FGD2: variants seen among roughly 807,000 people sequenced by gnomAD.
The protein encoded by FGD2 is FYVE, RhoGEF and PH domain containing 2.
A neutral mutation model predicts 75.9 loss-of-function variants in FGD2; 52 were observed. The ratio of observed to expected loss-of-function variants is 0.69; its 90% CI spans 0.55 to 0.86. The LOEUF (loss-of-function observed/expected upper bound fraction) is 0.86. Ranked by LOEUF, FGD2 falls within the 40% of genes least tolerant of loss-of-function variation. The pLI is 0.00. For synonymous variants in FGD2, 347 were observed against 348.6 expected, an observed-to-expected ratio of 1.00 and a Z score of 0.05; for missense variants, 790 against 872.0, an observed-to-expected ratio of 0.91 and a Z score of 1.18.
rs571990509 is a variant in FGD2 at position 37,014,973 on chromosome 6, C to T, written c.964C>T (p.Arg322Cys). The stretch of plus-strand genomic sequence containing the variant: ...AGTAGACCCCTCTAACACCCTGCTC[C>T]GTGAGGGCCCGGTCCTCAAGATCTC... Reference protein sequence around the residue: ...DIVDPSNTLLREGPVLKISFR... With the variant: ...DIVDPSNTLLCEGPVLKISFR... The change falls in exon 8 of 16, where the codon CGT becomes TGT. Residue 322 changes from arginine (R) to cysteine (C), a missense_variant. By Grantham distance (180) the Arg-to-Cys change is radical. Coordinates refer to ENST00000274963, the MANE Select transcript of FGD2 (RefSeq NM_173558.4). 18 of 1,614,152 alleles carry T rather than the reference C, an allele frequency of 1.1e-5. No homozygotes were observed. In the African/African-American group the frequency reaches 1.6e-4, roughly 14 times the overall value.
At chr6:37,010,620 C>T (rs1317625391) in intron 2 of FGD2, among the ~76,000 whole-genome samples, 1 of 152,200 alleles carries the variant, frequency 6.6e-6, no homozygotes, top group South Asian at 2.1e-4. Flanking sequence ...GCTGGCAGGG[C>T]TGGGCTCTTT....
chr6:37,011,879 GGCCTCAGA>G, intron 4 of FGD2, 25 bp downstream of exon 4: 1 of 1,611,364 alleles, frequency 6.2e-7, no homozygotes, highest in Non-Finnish European at 8.5e-7. Flanking sequence ...GAGCCCCTGA[GGCCTCAGA>G]CCACAGCCCT....
At chr6:37,021,771 G>A in intron 12 of FGD2, 167 bp downstream of exon 12, 1 of 632,144 alleles carries the variant, frequency 1.6e-6, no homozygotes, top group Non-Finnish European at 2.7e-6. Flanking sequence ...CTCAGGGCCT[G>A]AGCATTCCCC....
intron 12 of FGD2, chr6:37,021,862 G>A (rs1765605875): frequency 2.0e-6 from 1 of 495,498 alleles, no homozygotes; most frequent in Admixed American, 3.5e-5. Context: ...CCAGCTGCAG[G>A]GGGCAGTAGG....
At chr6:37,006,681 A>G (rs1401572629) in intron 1 of FGD2, among the ~76,000 whole-genome samples, 1 of 152,060 alleles carries the variant, frequency 6.6e-6, no homozygotes, top group Non-Finnish European at 1.5e-5. Context: ...GGCATTTCTT[A>G]AGCTCAGGAC....
In FGD2 at chr6:37,011,708, G is replaced by A. The variant is rs1231175017; in HGVS notation, c.381G>A (p.Val127=). ...YVARLHLLDQ[V]FFQELLKTAR... Reference sequence around the variant, plus strand: ...GTGACCTGTCGTGGCGGCTACAGGTGTTTTTCCAGGAGCTGCTGAAGACAG... The same window carrying A: ...GTGACCTGTCGTGGCGGCTACAGGTATTTTTCCAGGAGCTGCTGAAGACAG... The change falls in exon 4 of 16, where the codon GTG becomes GTA. Residue 127 remains valine (V), a splice_region_variant and synonymous_variant. Transcript: ENST00000274963. 1.2e-6 allele frequency: 2 copies of A among 1,614,084 alleles called. No homozygotes were observed. Among genetic ancestry groups the A allele is most frequent in the South Asian group, 2.2e-5 (2 of 91,062 alleles).
chr6:37,011,526 A>G (rs914819273), intron 3 of FGD2, 180 bp from the exon 4 acceptor site: 3 of 781,678 alleles, frequency 3.8e-6, no homozygotes, highest in Admixed American at 2.6e-5. Context: ...TGCCTTGCTC[A>G]TCTGTAAAGT....
chr6:37,010,659 C>A (rs1166577224), intron 2 of FGD2, among the ~76,000 whole-genome samples: 7 of 152,172 alleles, frequency 4.6e-5, no homozygotes. Flanking sequence ...CCTCTCCTCT[C>A]CACGTGGCCT....
chr6:37,027,250 C>A (rs1765869659), intron 14 of FGD2, among the ~76,000 whole-genome samples, 179 bp from the exon 15 acceptor site: 1 of 152,238 alleles, frequency 6.6e-6, no homozygotes, highest in South Asian at 2.1e-4. Context: ...AGCTCTGCCA[C>A]TGGCCAGCTA....
chr6:37,021,118 G>A (rs1172528680), intron 11 of FGD2, among the ~76,000 whole-genome samples: 2 of 151,902 alleles, frequency 1.3e-5, no homozygotes, highest in Admixed American at 6.6e-5. Flanking sequence ...GTGCTTGTGT[G>A]TATGTGTCTT....
intron 8 of FGD2, 127 bp downstream of exon 8, chr6:37,015,165 C>G: frequency 7.7e-7 from 1 of 1,306,930 alleles, no homozygotes; most frequent in Non-Finnish European, 1.0e-6. Context: ...GCTTCTCTGT[C>G]TTTTTCTGCT....
chr6:37,024,398 C>G (rs372912570), intron 13 of FGD2: 1 of 151,954 alleles, frequency 6.6e-6, no homozygotes, highest in Non-Finnish European at 1.5e-5. Flanking sequence ...ACTGTGACAC[C>G]GTGGATAGGT....
Position 37,014,560 on chromosome 6 carries a change from G to A in FGD2, c.824-86G>A, listed in dbSNP as rs931883570. On this transcript the variant is annotated intron_variant, in intron 6 of 15. Coordinates refer to ENST00000274963, the MANE Select transcript of FGD2 (RefSeq NM_173558.4). ...GGGGGCTGTCATGGCAGGTCCTGAG[G>A]GCCCTTTGTTGAACTTCAAGGACCT... 4.6e-5 allele frequency: 69 copies of A among 1,492,654 alleles called. No individual in the cohort carries two copies. In the African/African-American group the frequency reaches 9.1e-4, roughly 20 times the overall value. The allele number at this position is 1,492,654 out of a possible 1,614,324, so 92.5% of individuals were successfully genotyped here. A position where few individuals can be genotyped will look rare whatever the true frequency, so the allele number is the denominator to read the frequency against.
chr6:37,020,966 TTGTG>T (rs527833954), intron 11 of FGD2, among the ~76,000 whole-genome samples: 5 of 140,272 alleles, frequency 3.6e-5, no homozygotes, highest in African/African-American at 1.1e-4. Flanking sequence ...GTCTGTGTGT[TTGTG>T]TGTGTGTTTG....
rs185342551 is a variant in FGD2, at chr6:37,015,751, G to A, written c.1030-17G>A. On this transcript the variant is annotated splice_polypyrimidine_tract_variant and intron_variant, in intron 8 of 15. Coordinates refer to ENST00000274963, the MANE Select transcript of FGD2 (RefSeq NM_173558.4). ...CCTGCCCCTGCCACGGGCCACTCAC[G>A]CCTGTGTCTCCTGCAGTTCAACAAC... is the stretch of plus-strand genomic sequence containing the variant. 285 of 1,571,026 alleles carry A rather than the reference G, an allele frequency of 1.8e-4. 1 individual carries two copies. The highest frequency in any genetic ancestry group is 7.2e-4 in the East Asian group (31 of 43,256).
At chr6:37,022,660 C>A (rs550900896) in intron 13 of FGD2, 1 of 303,072 alleles carries the variant, frequency 3.3e-6, no homozygotes, top group Non-Finnish European at 6.1e-6. Flanking sequence ...TGTCCCACCT[C>A]GGCCTCCACC....
At chr6:37,013,393 C>A in intron 4 of FGD2, 3 of 1,357,888 alleles carry the variant, frequency 2.2e-6, no homozygotes, top group Non-Finnish European at 2.9e-6. Context: ...GTGGATGAGG[C>A]CAACCTGGGA....
At chr6:37,025,766 C>T (rs1226477410) in intron 13 of FGD2, 26 bp from the exon 14 acceptor site, 11 of 1,613,704 alleles carry the variant, frequency 6.8e-6, no homozygotes, top group Non-Finnish European at 9.3e-6. Flanking sequence ...GTCTCAGCCC[C>T]ATGCCCCCTT....
chr6:37,018,227 C>A (rs1765396478), intron 9 of FGD2, among the ~76,000 whole-genome samples: 1 of 152,164 alleles, frequency 6.6e-6, no homozygotes, highest in African/African-American at 2.4e-5. Context: ...AGAGCCGAGC[C>A]TGAGAGCATC....
Sources: allele counts gnomAD v4.1 joint callset (sites outside exome capture counted in the v4.1 genomes callset), GRCh38; gene constraint gnomAD v4.1.1; transcripts MANE v1.5; gene names NCBI Gene and HGNC (gene_info 2026-07-23, HGNC 2026-07-21).